The following UACA variants were observed in gnomAD, a reference collection of about 807,000 sequenced individuals.
UACA encodes the protein uveal autoantigen with coiled-coil domains and ankyrin repeats.
In UACA, 112 loss-of-function variants were observed where a neutral mutation model predicts 160.5. That is an observed-to-expected ratio of 0.70 (90% CI 0.60 to 0.82). UACA has a LOEUF of 0.82. Among genes scored for constraint, UACA ranks in the 40% least tolerant of loss-of-function variants. UACA has a pLI of 0.00. For missense variants in UACA, 1,574 were observed against 1,614.6 expected (o/e 0.97, Z 0.43); for synonymous variants, 557 against 568.4 (o/e 0.98, Z 0.29).
At position 70,669,306 on chromosome 15, in the gene UACA, G is replaced by A. The variant is rs369379599; in HGVS notation, c.1378C>T (p.Arg460Ter). 9 of 1,613,728 alleles carry A rather than the reference G, an allele frequency of 5.6e-6. No homozygotes were observed. The African/African-American group carries it at 8.0e-5, about 14-fold the overall frequency. The part of the protein sequence containing the change: ...RTFCESAKQD[R>*]LKLQNELAHK... Reference sequence around the variant, plus strand: ...GCCAGTTCATTTTGGAGCTTCAGTCGGTCTTGTTTTGCTGACTCACAGAAA... The same window carrying A: ...GCCAGTTCATTTTGGAGCTTCAGTCAGTCTTGTTTTGCTGACTCACAGAAA... Residue 460 changes from arginine to a stop codon, truncating the protein, a stop_gained, in exon 16 of 19, where the codon CGA (arginine) becomes TGA (stop). Transcript: ENST00000322954. LOFTEE classifies it high-confidence loss of function.
At chr15:70,767,443 C>A (rs145009624), upstream of UACA, among the ~76,000 whole-genome samples, 3,030 of 151,648 alleles carry the variant, frequency 0.02, 60 homozygotes, top group Middle Eastern at 0.071. Flanking sequence ...CAAAAATTAG[C>A]TGGGCGTGGT....
At chr15:70,773,314 G>A in the UACA span, among the ~76,000 whole-genome samples, 1 of 152,220 alleles carries the variant, frequency 6.6e-6, no homozygotes, top group Non-Finnish European at 1.5e-5. Flanking sequence ...GGGGAGAGAA[G>A]CTAATGAAAG....
intron 1 of UACA, among the ~76,000 whole-genome samples, chr15:70,707,265 G>C (rs1898548191): frequency 6.6e-6 from 1 of 152,042 alleles, no homozygotes; most frequent in Admixed American, 6.6e-5. Context: ...TCTTACATCA[G>C]ATGCAAAAAA....
At chr15:70,728,563 CA>C (rs1213851064) in intron 1 of UACA, among the ~76,000 whole-genome samples, 21 of 87,694 alleles carry the variant, frequency 2.4e-4, no homozygotes, top group South Asian at 3.9e-4. Flanking sequence ...AACCCCATCT[CA>C]AAAAAAAAAA....
chr15:70,766,004 T>G (rs2031001335), upstream of UACA, among the ~76,000 whole-genome samples: 1 of 152,256 alleles, frequency 6.6e-6, no homozygotes, highest in Admixed American at 6.5e-5. Flanking sequence ...CCTCCTTTTC[T>G]GTTGTTACTG....
At chr15:70,772,909 T>C in the UACA span, among the ~76,000 whole-genome samples, 92 of 152,092 alleles carry the variant, frequency 6.0e-4, no homozygotes, top group African/African-American at 2.2e-3. Context: ...GCCAACATGG[T>C]GAAACCCCGT....
intron 13 of UACA, among the ~76,000 whole-genome samples, chr15:70,673,204 G>A (rs1897195155): frequency 1.3e-5 from 2 of 152,140 alleles, no homozygotes; most frequent in Admixed American, 1.3e-4. Context: ...AGCCCGGGGA[G>A]GTCAAGGCTA....
At chr15:70,711,078 ATC>A (rs1279873607) in intron 1 of UACA, among the ~76,000 whole-genome samples, 8 of 152,214 alleles carry the variant, frequency 5.3e-5, no homozygotes, top group Non-Finnish European at 1.2e-4. Context: ...AGGCACTCTT[ATC>A]TCTCTGGAGA....
the UACA span, among the ~76,000 whole-genome samples, chr15:70,777,499 A>G: frequency 1.3e-5 from 2 of 152,082 alleles, no homozygotes; most frequent in Non-Finnish European, 2.9e-5. Flanking sequence ...ATTGGAAGAC[A>G]AGGATCCTAT....
intron 1 of UACA, among the ~76,000 whole-genome samples, chr15:70,707,883 A>C (rs1298877502): frequency 6.6e-6 from 1 of 152,200 alleles, no homozygotes; most frequent in Non-Finnish European, 1.5e-5. Context: ...AAAAATTATA[A>C]ATAGAACTAC....
chr15:70,690,246 C>CT (rs1897882730), intron 5 of UACA, among the ~76,000 whole-genome samples: 1 of 151,978 alleles, frequency 6.6e-6, no homozygotes, highest in Non-Finnish European at 1.5e-5. Context: ...CCTTTAGTAT[C>CT]TAGCAAGCTG....
chr15:70,743,461 G>A (rs1054493326), intron 1 of UACA, among the ~76,000 whole-genome samples: 1 of 152,198 alleles, frequency 6.6e-6, no homozygotes, highest in Admixed American at 6.5e-5. Flanking sequence ...ATCTCTGGAT[G>A]TGTATTTTTC....
chr15:70,745,743 G>A (rs575773501), intron 1 of UACA, among the ~76,000 whole-genome samples: 9 of 152,232 alleles, frequency 5.9e-5, no homozygotes, highest in South Asian at 2.1e-4. Flanking sequence ...AAAATAGCAC[G>A]GTACTGGTAC....
intron 4 of UACA, 21 bp from the exon 5 acceptor site, chr15:70,690,532 T>C (rs1834319734): frequency 6.3e-7 from 1 of 1,594,384 alleles, no homozygotes; most frequent in Non-Finnish European, 8.6e-7. Flanking sequence ...AAAGAAAACT[T>C]AGTAAAGTAG....
intron 18 of UACA, 79 bp from the exon 19 acceptor site, chr15:70,657,206 A>G: frequency 1.8e-6 from 2 of 1,109,680 alleles, no homozygotes; most frequent in South Asian, 1.3e-5. Context: ...AAGCTTTTAC[A>G]GAGCATAACT....
At chr15:70,688,624 C>T (rs1897816206) in intron 5 of UACA, among the ~76,000 whole-genome samples, 1 of 151,978 alleles carries the variant, frequency 6.6e-6, no homozygotes, top group African/African-American at 2.4e-5. Context: ...AACCTGAAAA[C>T]ATTAATTCAG....
Position 70,763,530 on chromosome 15 carries a change from C to T in UACA, c.-123G>A. On this transcript the variant is annotated 5_prime_UTR_variant, in exon 1 of 19. The change creates a new upstream start codon in the 5' untranslated region. Transcript: ENST00000322954. ...CTGTACCAGCCCCACCTGCCTGCCA[C>T]CTGCGGGCCCCGGGCAGCAGACGTC... is the stretch of plus-strand genomic sequence containing the variant. The T allele has an allele frequency of 8.0e-7, 1 of 1,243,814 alleles. No homozygotes were observed. The highest frequency in any genetic ancestry group is 1.0e-6 in the Non-Finnish European group (1 of 989,936). 77.0% of individuals were successfully genotyped at this position (1,243,814 alleles called of 1,614,324 possible).
At chr15:70,750,157 A>C (rs1265021996) in intron 1 of UACA, among the ~76,000 whole-genome samples, 1 of 152,094 alleles carries the variant, frequency 6.6e-6, no homozygotes, top group Admixed American at 6.5e-5. Context: ...GCAGGCCCTC[A>C]CTAATTCTTG....
chr15:70,777,817 C>T, the UACA span, among the ~76,000 whole-genome samples: 10 of 152,176 alleles, frequency 6.6e-5, no homozygotes, highest in Admixed American at 1.3e-4. Flanking sequence ...AGTTTTGCTG[C>T]GACGGGGAGG....
Sources: gnomAD v4.1 joint callset for allele counts (sites outside exome capture counted in the v4.1 genomes callset) on GRCh38, gnomAD v4.1.1 for gene constraint, MANE v1.5 for transcripts, NCBI Gene and HGNC (gene_info 2026-07-23, HGNC 2026-07-21) for gene names.